The following FBXO5 variants were observed in gnomAD, a reference collection of about 807,000 sequenced individuals.
The protein encoded by FBXO5 is F-box only protein 5.
Under a neutral mutation model 43.3 loss-of-function variants are expected in FBXO5, and 8 were observed. That is an observed-to-expected ratio of 0.18 (90% CI 0.11 to 0.33). The LOEUF is 0.33. Among genes scored for constraint, FBXO5 ranks in the 10% least tolerant of loss-of-function variants. The pLI is 1.00. For synonymous variants in FBXO5, 204 were observed against 193.7 expected (o/e 1.05, Z -0.44); for missense variants, 491 against 535.7 (o/e 0.92, Z 0.82).
intron 1 of FBXO5, among the ~76,000 whole-genome samples, chr6:152,978,287 T>C (rs1031614884): frequency 4.7e-5 from 7 of 150,132 alleles, no homozygotes; most frequent in African/African-American, 1.7e-4. Context: ...CCAGGGGCTT[T>C]GTACATCATG....
At chr6:152,977,032 C>T (rs1270828729) in intron 1 of FBXO5, among the ~76,000 whole-genome samples, 1 of 152,176 alleles carries the variant, frequency 6.6e-6, no homozygotes, top group Non-Finnish European at 1.5e-5. Context: ...AGTTGAGAAC[C>T]ACAACTCTAA....
intron 1 of FBXO5, among the ~76,000 whole-genome samples, chr6:152,981,483 T>C (rs1247112559): frequency 6.6e-6 from 1 of 152,154 alleles, no homozygotes; most frequent in Admixed American, 6.5e-5. Flanking sequence ...CTTGTGACCA[T>C]AAAGTAATCT....
chr6:152,982,914 A>G lies in FBXO5; in HGVS notation c.46T>C (p.Ser16Pro). 1 of 1,478,512 alleles carries G rather than the reference A, an allele frequency of 6.8e-7. No homozygotes were observed. The highest frequency in any genetic ancestry group is 8.9e-7 in the Non-Finnish European group (1 of 1,122,252). 91.6% of individuals were successfully genotyped at this position (1,478,512 alleles called of 1,614,324 possible). A position where few individuals can be genotyped will look rare whatever the true frequency, so the allele number is the denominator to read the frequency against. Residue 16 changes from serine to proline, a missense_variant, in exon 1 of 5, where the codon TCC becomes CCC. Physicochemically the swap from Ser to Pro is moderately conservative, Grantham distance 74. Coordinates refer to ENST00000229758, the MANE Select transcript of FBXO5 (RefSeq NM_012177.5). ...CSCALRPPRC[S>P]CSASPSAVTA... is the part of the protein sequence containing the mutation. ...ACTGCGCTGGGGCTGGCGCTGCAGG[A>G]GCAGCGGGGTGGCCGTAGGGCGCAG... is the stretch of plus-strand genomic sequence containing the variant.
chr6:152,981,423 G>A (rs1444882958), intron 1 of FBXO5, among the ~76,000 whole-genome samples: 1 of 152,186 alleles, frequency 6.6e-6, no homozygotes, highest in Non-Finnish European at 1.5e-5. Context: ...TAACGACCAT[G>A]TGGTCAACGT....
Position 152,972,285 on chromosome 6 carries a change from T to C in FBXO5, c.1079A>G (p.Asn360Ser), listed in dbSNP as rs747395864. ...DQKGSTYSRHNEFSEVAKTLK... is the reference protein window; with the variant it reads ...DQKGSTYSRHSEFSEVAKTLK... Reference sequence around the variant, plus strand: ...ACAAAAAATTACCTCAGAGAATTCATTGTGTCGACTATAAGTAGAACCTTT... The same window carrying C: ...ACAAAAAATTACCTCAGAGAATTCACTGTGTCGACTATAAGTAGAACCTTT... Residue 360 changes from asparagine (N) to serine (S), a missense_variant, in exon 4 of 5, where the codon AAT (asparagine) becomes AGT (serine). By Grantham distance (46) the Asn-to-Ser change is conservative. Coordinates refer to ENST00000229758, the MANE Select transcript of FBXO5 (RefSeq NM_012177.5). 1.8e-5 allele frequency: 29 copies of C among 1,608,114 alleles called. No individual in the cohort carries two copies. Among genetic ancestry groups the C allele is most frequent in the Middle Eastern group, 1.7e-4 (1 of 6,026 alleles).
chr6:152,978,872 T>C lies in FBXO5; in HGVS notation c.104-3251A>G, dbSNP rs748099865. Among the ~76,000 whole-genome samples the C allele has an allele frequency of 8.2e-4, 124 of 151,840 alleles. 3 individuals are homozygous for C. Among genetic ancestry groups the C allele is most frequent in the Non-Finnish European group, 1.6e-4 (11 of 67,972 alleles). On this transcript the variant is annotated intron_variant, in intron 1 of 4. Transcript: ENST00000229758. ...TGGGCATGGTGGCATGTGCCTTTGG[T>C]ACCAACTACTAGGGAGGCTGAGGCG...
chr6:152,978,829 T>G (rs1778216902), intron 1 of FBXO5, among the ~76,000 whole-genome samples: 1 of 151,520 alleles, frequency 6.6e-6, no homozygotes, highest in South Asian at 2.1e-4. Flanking sequence ...TCTACAACAA[T>G]TAAAAAAAGA....
At chr6:152,981,959 A>G (rs1778266993) in intron 1 of FBXO5, among the ~76,000 whole-genome samples, 1 of 152,200 alleles carries the variant, frequency 6.6e-6, no homozygotes. Flanking sequence ...CTTTGAAATA[A>G]AGGACTATCT....
chr6:152,972,005 G>T (rs1446025496), intron 4 of FBXO5, among the ~76,000 whole-genome samples: 1 of 152,114 alleles, frequency 6.6e-6, no homozygotes, highest in Non-Finnish European at 1.5e-5. Flanking sequence ...AATATTCATA[G>T]AAATACATTT....
At chr6:152,983,130 G>C (rs372489458), upstream of FBXO5, 869 of 426,404 alleles carry the variant, frequency 2.0e-3, 14 homozygotes, top group African/African-American at 0.014. Context: ...GCTTGCATGC[G>C]CGCACCAATA....
intron 2 of FBXO5, chr6:152,973,750 T>C (rs2129093433): frequency 6.6e-6 from 1 of 152,344 alleles, no homozygotes; most frequent in Admixed American, 6.5e-5. Flanking sequence ...TAGTCCCAGC[T>C]ACTCAGGAGG....
At chr6:152,977,855 T>G (rs1248038144) in intron 1 of FBXO5, among the ~76,000 whole-genome samples, 3 of 152,136 alleles carry the variant, frequency 2.0e-5, no homozygotes, top group African/African-American at 4.8e-5. Context: ...TACTGGGGGG[T>G]TGTCCTATAG....
rs1778072245 is a variant in FBXO5 at position 152,970,665 on chromosome 6, G to GT, written c.*497dup. The GT allele has an allele frequency of 6.6e-6, 1 of 152,190 alleles. No homozygotes were observed. Among genetic ancestry groups the GT allele is most frequent in the Admixed American group, 6.5e-5 (1 of 15,270 alleles). The allele number at this position is 152,190 out of a possible 1,614,324, so 9.4% of individuals were successfully genotyped here. ...TTTCAGAAATAAGGAAAACAAGCAA[G>GT]TTTTTACAAAGGATACTTTCTTGGG... On this transcript the variant is annotated 3_prime_UTR_variant, in exon 5 of 5. Transcript: ENST00000229758.
chr6:152,972,455 CTAATT>C lies in FBXO5; in HGVS notation c.910-6_910-2del. ...GAGGTGAAAATTTATTGTTGTTTTCCTAATTTAAAAAAAAGTTTTAATAGAATTTA... is the reference window on the plus strand; with the variant it reads ...GAGGTGAAAATTTATTGTTGTTTTCCTAAAAAAAAGTTTTAATAGAATTTA... On this transcript the variant is annotated splice_acceptor_variant and splice_polypyrimidine_tract_variant and intron_variant, in intron 3 of 4. Transcript: ENST00000229758. LOFTEE classifies it high-confidence loss of function. The C allele has an allele frequency of 6.4e-7, 1 of 1,568,754 alleles. No homozygotes were observed. Among genetic ancestry groups the C allele is most frequent in the Non-Finnish European group, 8.6e-7 (1 of 1,159,392 alleles).
chr6:152,983,450 A>C (rs1218663026), upstream of FBXO5: 2 of 153,498 alleles, frequency 1.3e-5, no homozygotes, highest in African/African-American at 4.8e-5. Context: ...TACAAATGGT[A>C]GCCGACTTTC....
intron 1 of FBXO5, among the ~76,000 whole-genome samples, chr6:152,979,050 A>G (rs1288430444): frequency 1.3e-5 from 2 of 152,212 alleles, no homozygotes; most frequent in East Asian, 3.9e-4. Flanking sequence ...TAATAAACTT[A>G]TTTGAATTCA....
Position 152,982,849 on chromosome 6 carries a change from TCA to T in FBXO5, c.103+6_103+7del. On this transcript the variant is annotated splice_donor_region_variant and intron_variant, in intron 1 of 4. Transcript: ENST00000229758. ...CGCGCCCCCCTCGCGACCGCTCCCC[TCA>T]CTCACTATCCGAGGGTCGAGGGCGC... 1 of 1,498,800 alleles carries T rather than the reference TCA, an allele frequency of 6.7e-7. No individual in the cohort carries two copies. The highest frequency in any genetic ancestry group is 8.8e-7 in the Non-Finnish European group (1 of 1,130,048). The allele number at this position is 1,498,800 out of a possible 1,614,324, so 92.8% of individuals were successfully genotyped here.
chr6:152,975,207 A>G lies in FBXO5; in HGVS notation c.518T>C (p.Leu173Pro). 1 of 1,614,170 alleles carries G rather than the reference A, an allele frequency of 6.2e-7. No individual in the cohort carries two copies. Residue 173 changes from leucine (L) to proline (P), a missense_variant, in exon 2 of 5, where the codon CTA (leucine) becomes CCA (proline). By Grantham distance (98) the Leu-to-Pro change is moderately conservative. Coordinates refer to ENST00000229758, the MANE Select transcript of FBXO5 (RefSeq NM_012177.5). Reference protein sequence around the residue: ...SLLEENFGDSLQSCLLQIQSP... With the variant: ...SLLEENFGDSPQSCLLQIQSP... ...TTGTATTTGTAGCAGGCAGGATTGTAGACTGTCACCGAAATTCTCCTCCAG... is the reference window on the plus strand; with the variant it reads ...TTGTATTTGTAGCAGGCAGGATTGTGGACTGTCACCGAAATTCTCCTCCAG...
At chr6:152,982,656 T>C (rs1467966739) in intron 1 of FBXO5, among the ~76,000 whole-genome samples, 1 of 152,020 alleles carries the variant, frequency 6.6e-6, no homozygotes, top group Non-Finnish European at 1.5e-5. Flanking sequence ...CCCCTGCACA[T>C]CTGGCTCTTC....
Sources: gnomAD v4.1 joint callset for allele counts (sites outside exome capture counted in the v4.1 genomes callset) on GRCh38, gnomAD v4.1.1 for gene constraint, MANE v1.5 for transcripts, NCBI Gene and HGNC (gene_info 2026-07-23, HGNC 2026-07-21) for gene names.